HS3ST4: variants seen among roughly 807,000 people sequenced by gnomAD.
HS3ST4 encodes heparan sulfate glucosamine 3-O-sulfotransferase 4.
HS3ST4 carries 17 observed loss-of-function variants against 29.2 expected under a neutral mutation model. That is an observed-to-expected ratio of 0.58 (90% CI 0.40 to 0.87). The LOEUF (loss-of-function observed/expected upper bound fraction) is 0.87. HS3ST4 is among the 40% of genes least tolerant of loss of function. HS3ST4 has a pLI of 0.00. For missense variants in HS3ST4, 627 were observed against 634.5 expected (o/e 0.99, Z 0.13); for synonymous variants, 314 against 285.7 (o/e 1.10, Z -1.00).
intron 1 of HS3ST4, among the ~76,000 whole-genome samples, chr16:25,884,512 C>G (rs1180808282): frequency 2.0e-5 from 3 of 152,192 alleles, no homozygotes; most frequent in Non-Finnish European, 4.4e-5. Context: ...TATTTATTGT[C>G]TGTCTCCCCT....
chr16:25,749,822 T>A (rs1488753601), intron 1 of HS3ST4, among the ~76,000 whole-genome samples: 2 of 152,182 alleles, frequency 1.3e-5, no homozygotes, highest in African/African-American at 4.8e-5. Context: ...CCAAGAACCT[T>A]ATGTGGTAGA....
intron 1 of HS3ST4, among the ~76,000 whole-genome samples, chr16:25,789,314 TCTC>T (rs986215763): frequency 3.3e-5 from 5 of 151,640 alleles, no homozygotes; most frequent in African/African-American, 4.8e-5. Context: ...TTTCTTTCTT[TCTC>T]CTCCTCCTCC....
chr16:25,867,853 G>A (rs991118015), intron 1 of HS3ST4, among the ~76,000 whole-genome samples: 1 of 151,978 alleles, frequency 6.6e-6, no homozygotes, highest in Non-Finnish European at 1.5e-5. Flanking sequence ...AGTCTTCATC[G>A]GGCCTCAGTT....
intron 1 of HS3ST4, among the ~76,000 whole-genome samples, chr16:25,844,239 C>T (rs977211057): frequency 2.0e-5 from 3 of 152,182 alleles, no homozygotes; most frequent in South Asian, 2.1e-4. Flanking sequence ...CCTCTAAGAT[C>T]GTTGTTTATG....
At chr16:26,115,072 A>G (rs1207555000) in intron 1 of HS3ST4, among the ~76,000 whole-genome samples, 1 of 152,162 alleles carries the variant, frequency 6.6e-6, no homozygotes, top group Non-Finnish European at 1.5e-5. Context: ...ATATGCAAAG[A>G]TCTCAAGAAG....
chr16:26,047,035 G>T (rs978921626), intron 1 of HS3ST4, among the ~76,000 whole-genome samples: 1 of 152,220 alleles, frequency 6.6e-6, no homozygotes, highest in Non-Finnish European at 1.5e-5. Context: ...AGCTATAGCT[G>T]CCTTGATTTA....
chr16:25,707,993 C>G (rs1596549306), intron 1 of HS3ST4, among the ~76,000 whole-genome samples: 1 of 152,140 alleles, frequency 6.6e-6, no homozygotes, highest in Non-Finnish European at 1.5e-5. Context: ...TGCCTGTATT[C>G]CATAGTTACT....
At chr16:25,785,909 A>G (rs1409316762) in intron 1 of HS3ST4, among the ~76,000 whole-genome samples, 2 of 152,182 alleles carry the variant, frequency 1.3e-5, no homozygotes, top group Admixed American at 1.3e-4. Context: ...TGGAAGGTAA[A>G]GAAAGCTGCC....
intron 1 of HS3ST4, among the ~76,000 whole-genome samples, chr16:25,902,477 T>G (rs909724746): frequency 6.6e-6 from 1 of 150,410 alleles, no homozygotes; most frequent in African/African-American, 2.4e-5. Context: ...CAGAGTGAGA[T>G]CCTATCTCAA....
intron 1 of HS3ST4, among the ~76,000 whole-genome samples, chr16:26,104,432 T>C (rs560959789): frequency 6.6e-6 from 1 of 152,296 alleles, no homozygotes; most frequent in South Asian, 2.1e-4. Context: ...CTTCTTCCTC[T>C]AGTAAGTGAT....
chr16:26,038,333 G>A (rs192598017), intron 1 of HS3ST4, among the ~76,000 whole-genome samples: 2 of 151,662 alleles, frequency 1.3e-5, no homozygotes, highest in Admixed American at 1.3e-4. Context: ...CTACATTATT[G>A]TCCCCAATAA....
At chr16:25,890,213 C>T (rs1967993890) in intron 1 of HS3ST4, among the ~76,000 whole-genome samples, 1 of 152,178 alleles carries the variant, frequency 6.6e-6, no homozygotes, top group Non-Finnish European at 1.5e-5. Context: ...CCCCAAGTCA[C>T]ACAAATAATA....
At chr16:26,066,683 G>C (rs1898545879) in intron 1 of HS3ST4, among the ~76,000 whole-genome samples, 2 of 152,206 alleles carry the variant, frequency 1.3e-5, no homozygotes, top group South Asian at 4.1e-4. Flanking sequence ...GTTAATTACA[G>C]AAAGACAGTG....
chr16:26,029,870 G>C (rs1306412279), intron 1 of HS3ST4, among the ~76,000 whole-genome samples: 1 of 152,166 alleles, frequency 6.6e-6, no homozygotes, highest in African/African-American at 2.4e-5. Context: ...GTTATCCACT[G>C]GTTCGATTTT....
chr16:25,768,887 G>A (rs1041609234), intron 1 of HS3ST4, among the ~76,000 whole-genome samples: 8 of 152,086 alleles, frequency 5.3e-5, no homozygotes, highest in Non-Finnish European at 7.3e-5. Flanking sequence ...CAGCTGCATT[G>A]CACTGGCTCT....
intron 1 of HS3ST4, among the ~76,000 whole-genome samples, chr16:25,857,648 G>A (rs1967586954): frequency 6.6e-6 from 1 of 152,042 alleles, no homozygotes; most frequent in African/African-American, 2.4e-5. Flanking sequence ...GTGTCTTAAA[G>A]GTTTGACAGG....
chr16:25,810,829 A>T (rs560436612), intron 1 of HS3ST4, among the ~76,000 whole-genome samples: 1 of 152,352 alleles, frequency 6.6e-6, no homozygotes, highest in South Asian at 2.1e-4. Context: ...ATAGTTTTCA[A>T]TTAAATGTCC....
intron 1 of HS3ST4, among the ~76,000 whole-genome samples, chr16:25,761,423 T>C (rs1470702378): frequency 6.6e-6 from 1 of 152,192 alleles, no homozygotes; most frequent in African/African-American, 2.4e-5. Context: ...ATTTACATTA[T>C]TTAAAAGGTC....
intron 1 of HS3ST4, among the ~76,000 whole-genome samples, chr16:26,087,795 C>T (rs1374207756): frequency 6.6e-6 from 1 of 152,048 alleles, no homozygotes; most frequent in Non-Finnish European, 1.5e-5. Flanking sequence ...CAGGTTGGTG[C>T]CCAAAAAGTT....
Sources: allele counts gnomAD v4.1 joint callset (sites outside exome capture counted in the v4.1 genomes callset), GRCh38; gene constraint gnomAD v4.1.1; transcripts MANE v1.5; gene names NCBI Gene and HGNC (gene_info 2026-07-23, HGNC 2026-07-21).